SMOC2: variants seen among roughly 807,000 people sequenced by gnomAD.
SMOC2 encodes the protein SPARC related modular calcium binding 2, also known as SPARC-related modular calcium-binding protein 2.
A neutral mutation model predicts 61.4 loss-of-function variants in SMOC2; 39 were observed. That is an observed-to-expected ratio of 0.64 (90% CI 0.49 to 0.83). The LOEUF (loss-of-function observed/expected upper bound fraction) is 0.83. Among genes scored for constraint, SMOC2 ranks in the 40% least tolerant of loss-of-function variants. SMOC2 has a pLI of 0.00. For missense variants in SMOC2, 556 were observed against 592.9 expected (o/e 0.94, Z 0.65); for synonymous variants, 247 against 239.9 (o/e 1.03, Z -0.27).
rs926532841 is a variant in SMOC2 at position 168,543,501 on chromosome 6, G to C, written c.464-124G>C. On this transcript the variant is annotated intron_variant, in intron 4 of 12. Transcript: ENST00000356284. ...GTACTAGACAGCTTACAGAATTTAA[G>C]TAGAACATGCCGAAGCACGGCAAAT... 7 of 795,980 alleles carry C rather than the reference G, an allele frequency of 8.8e-6. No homozygotes were observed. The African/African-American group carries it at 1.0e-4, about 12-fold the overall frequency. The allele number at this position is 795,980 out of a possible 1,614,324, so 49.3% of individuals were successfully genotyped here.
chr6:168,503,911 C>T (rs751921625), intron 1 of SMOC2, among the ~76,000 whole-genome samples: 9 of 152,140 alleles, frequency 5.9e-5, no homozygotes, highest in Non-Finnish European at 1.2e-4. Context: ...ATGTTGAGGA[C>T]AGCACACTCC....
chr6:168,481,772 T>A (rs1782212396), intron 1 of SMOC2, among the ~76,000 whole-genome samples: 1 of 152,024 alleles, frequency 6.6e-6, no homozygotes, highest in African/African-American at 2.4e-5. Context: ...ACAAGAGACT[T>A]GTTTTAGATC....
chr6:168,510,573 A>T (rs112384764), intron 2 of SMOC2, among the ~76,000 whole-genome samples: 231 of 152,320 alleles, frequency 1.5e-3, no homozygotes, highest in African/African-American at 5.3e-3. Flanking sequence ...TTGATTCAGC[A>T]AAAGATGCTG....
chr6:168,540,943 C>T (rs1197816359), intron 4 of SMOC2, among the ~76,000 whole-genome samples: 1 of 152,122 alleles, frequency 6.6e-6, no homozygotes, highest in East Asian at 1.9e-4. Flanking sequence ...CTGGGAAGGG[C>T]GTCTGGAAGG....
At position 168,652,941 on chromosome 6, in the gene SMOC2, G is replaced by A. The variant is rs1023986138; in HGVS notation, c.1011-13G>A. The A allele has an allele frequency of 1.1e-5, 17 of 1,611,560 alleles. No homozygotes were observed. The highest frequency in any genetic ancestry group is 1.4e-5 in the Non-Finnish European group (17 of 1,179,002). ...GGGTTTAAGCATCCTGACGGCATCT[G>A]TGTTCCTTCCAGGCTCTCAGAACCC... On this transcript the variant is annotated splice_polypyrimidine_tract_variant and intron_variant, in intron 10 of 12. Coordinates refer to ENST00000356284, the MANE Select transcript of SMOC2 (RefSeq NM_001166412.2).
At chr6:168,454,333 C>T (rs527417920) in intron 1 of SMOC2, among the ~76,000 whole-genome samples, 2 of 152,330 alleles carry the variant, frequency 1.3e-5, no homozygotes, top group East Asian at 3.9e-4. Context: ...TAACCTAGAA[C>T]TAACCTCAGC....
At chr6:168,599,907 CCACACTCA>C (rs1015610723) in intron 8 of SMOC2, among the ~76,000 whole-genome samples, 4 of 149,056 alleles carry the variant, frequency 2.7e-5, no homozygotes, top group Non-Finnish European at 4.5e-5. Flanking sequence ...CCCCACACTC[CCACACTCA>C]CACACTCCCC....
chr6:168,536,864 G>A (rs1783744414), intron 4 of SMOC2, among the ~76,000 whole-genome samples: 2 of 152,208 alleles, frequency 1.3e-5, no homozygotes, highest in African/African-American at 4.8e-5. Flanking sequence ...GTCGGATAGA[G>A]CAGAGGCATT....
chr6:168,494,037 C>T (rs1398248553), intron 1 of SMOC2, among the ~76,000 whole-genome samples: 1 of 152,150 alleles, frequency 6.6e-6, no homozygotes, highest in Non-Finnish European at 1.5e-5. Context: ...TGGAACGATC[C>T]TGAAGTCTTT....
At chr6:168,627,613 A>G (rs1415149243) in intron 9 of SMOC2, among the ~76,000 whole-genome samples, 6 of 152,304 alleles carry the variant, frequency 3.9e-5, no homozygotes, top group African/African-American at 9.6e-5. Context: ...ATGGAGTGAT[A>G]TATTGCTTTG....
At chr6:168,550,166 G>T (rs1039159143) in intron 7 of SMOC2, among the ~76,000 whole-genome samples, 6 of 152,172 alleles carry the variant, frequency 3.9e-5, no homozygotes, top group African/African-American at 1.4e-4. Context: ...CTTACTGAAG[G>T]GAAGTAGCTC....
chr6:168,567,279 C>A (rs899214265), intron 7 of SMOC2, among the ~76,000 whole-genome samples: 1 of 152,118 alleles, frequency 6.6e-6, no homozygotes, highest in Non-Finnish European at 1.5e-5. Context: ...TAAGCATTTT[C>A]AATCATTATG....
chr6:168,646,826 AC>A (rs1158117055), intron 9 of SMOC2, among the ~76,000 whole-genome samples: 1 of 152,166 alleles, frequency 6.6e-6, no homozygotes. Context: ...TTCCACAGAA[AC>A]CTCACAGATG....
At position 168,452,033 on chromosome 6, in the gene SMOC2, C is replaced by A. The variant is rs1285983242; in HGVS notation, c.84+10579C>A. Among the ~76,000 whole-genome samples the A allele has an allele frequency of 6.6e-6, 1 of 152,140 alleles. No individual in the cohort carries two copies. Among genetic ancestry groups the A allele is most frequent in the African/African-American group, 2.4e-5 (1 of 41,436 alleles). On this transcript the variant is annotated intron_variant, in intron 1 of 12. Coordinates refer to ENST00000356284, the MANE Select transcript of SMOC2 (RefSeq NM_001166412.2). The surrounding 1 kb of genome is among the most constrained non-coding windows in gnomAD (Gnocchi z 5.0). ...CAAGAATCCACCACAGGAGGGAGCC[C>A]CAGAATGGCTGAGCTCTGTCTTTTA...
At chr6:168,570,095 G>A (rs957795289) in intron 7 of SMOC2, among the ~76,000 whole-genome samples, 3 of 150,744 alleles carry the variant, frequency 2.0e-5, no homozygotes, top group East Asian at 3.9e-4. Context: ...CTGGCATCAC[G>A]TCACCTTGCT....
Position 168,441,306 on chromosome 6 carries a change from T to A in SMOC2, c.-65T>A, listed in dbSNP as rs941623230. On this transcript the variant is annotated 5_prime_UTR_variant, in exon 1 of 13. Transcript: ENST00000356284. ...GCCCAGCCGCGCTCGCCCACTGGGC[T>A]CTCCCGGCTGCAGTGCCAGGGCGCA... The A allele has an allele frequency of 5.4e-6, 8 of 1,468,664 alleles. No individual in the cohort carries two copies. Among genetic ancestry groups the A allele is most frequent in the African/African-American group, 1.5e-5 (1 of 67,764 alleles). 91.0% of individuals were successfully genotyped at this position (1,468,664 alleles called of 1,614,324 possible).
intron 2 of SMOC2, among the ~76,000 whole-genome samples, chr6:168,524,927 G>A (rs1783419320): frequency 6.6e-6 from 1 of 152,244 alleles, no homozygotes; most frequent in Admixed American, 6.5e-5. Context: ...AGCCCGCTGT[G>A]ACGGGTGGAG....
intron 9 of SMOC2, among the ~76,000 whole-genome samples, chr6:168,628,949 G>C (rs1446210661): frequency 6.6e-6 from 1 of 152,234 alleles, no homozygotes; most frequent in East Asian, 1.9e-4. Context: ...GAGAGGGAAG[G>C]GCAGGGGGCC....
At chr6:168,532,542 A>G (rs1178586332) in intron 4 of SMOC2, among the ~76,000 whole-genome samples, 1 of 152,030 alleles carries the variant, frequency 6.6e-6, no homozygotes, top group Non-Finnish European at 1.5e-5. Context: ...ATTCTCCAGT[A>G]TTTGGATATA....
Sources: allele counts gnomAD v4.1 joint callset (sites outside exome capture counted in the v4.1 genomes callset), GRCh38; gene constraint gnomAD v4.1.1; non-coding constraint Gnocchi (gnomAD v3.1); transcripts MANE v1.5; gene names NCBI Gene and HGNC (gene_info 2026-07-23, HGNC 2026-07-21).